CUX1: variants seen among roughly 807,000 people sequenced by gnomAD.
The protein encoded by CUX1 is protein CASP.
CUX1 carries 31 observed loss-of-function variants against 158.8 expected under a neutral mutation model. The ratio of observed to expected loss-of-function variants is 0.20; its 90% CI spans 0.15 to 0.26. The LOEUF (loss-of-function observed/expected upper bound fraction) is 0.26. Ranked by LOEUF, CUX1 falls within the 10% of genes least tolerant of loss-of-function variation. The pLI, the probability that CUX1 is intolerant of heterozygous loss-of-function variation, is 1.00. For synonymous variants in CUX1, 879 were observed against 862.1 expected (o/e 1.02, Z -0.34); for missense variants, 1,589 against 2,014.6 (o/e 0.79, Z 4.04).
At chr7:102,165,798 A>C (rs189403577) in intron 9 of CUX1, among the ~76,000 whole-genome samples, 33 of 152,090 alleles carry the variant, frequency 2.2e-4, no homozygotes, top group Non-Finnish European at 3.8e-4. Context: ...TCCTTCCCCA[A>C]ATCACCCAGT....
At chr7:102,224,041 C>T (rs563512171) in intron 20 of CUX1, among the ~76,000 whole-genome samples, 97 of 152,306 alleles carry the variant, frequency 6.4e-4, no homozygotes, top group African/African-American at 1.3e-3. Context: ...GTCTCCAACG[C>T]GTCTGTTTGC....
At chr7:101,850,521 G>A (rs1307188959) in intron 1 of CUX1, among the ~76,000 whole-genome samples, 1 of 150,224 alleles carries the variant, frequency 6.7e-6, no homozygotes, top group African/African-American at 2.5e-5. Flanking sequence ...ACCAGGTATA[G>A]GAAATGAGAG....
At chr7:102,259,238 T>C (rs1158755972), downstream of CUX1, among the ~76,000 whole-genome samples, 5 of 151,902 alleles carry the variant, frequency 3.3e-5, no homozygotes, top group Admixed American at 6.6e-5. Context: ...GGGCCGGGGG[T>C]GTCTCTAGAG....
At chr7:102,244,161 GCCGT>G (rs1554536036) in intron 23 of CUX1, among the ~76,000 whole-genome samples, 3 of 152,156 alleles carry the variant, frequency 2.0e-5, no homozygotes, top group Non-Finnish European at 2.9e-5. Flanking sequence ...AGACCAACCT[GCCGT>G]TATACCCGAC....
intron 17 of CUX1, among the ~76,000 whole-genome samples, chr7:102,275,618 G>T (rs535224539): frequency 6.6e-6 from 1 of 152,134 alleles, no homozygotes; most frequent in Non-Finnish European, 1.5e-5. Context: ...GAAACAAGTC[G>T]CCAGGCAAGT....
chr7:101,819,615 C>T (rs1014198379), intron 1 of CUX1, among the ~76,000 whole-genome samples: 4 of 152,112 alleles, frequency 2.6e-5, no homozygotes, highest in African/African-American at 9.7e-5. Context: ...AATGTCCCAT[C>T]TAGTACCCTT....
intron 8 of CUX1, among the ~76,000 whole-genome samples, chr7:102,130,630 G>A (rs1338649485): frequency 6.6e-6 from 1 of 152,002 alleles, no homozygotes; most frequent in East Asian, 1.9e-4. Context: ...GCAGTGAGCT[G>A]AAATCACGCC....
At chr7:101,944,692 C>T (rs1040643313) in intron 2 of CUX1, among the ~76,000 whole-genome samples, 1 of 152,210 alleles carries the variant, frequency 6.6e-6, no homozygotes, top group Non-Finnish European at 1.5e-5. Context: ...TCTGCTGTGG[C>T]GTGTATGTTC....
intron 2 of CUX1, among the ~76,000 whole-genome samples, chr7:102,017,165 G>C (rs148647642): frequency 1.3e-4 from 20 of 151,338 alleles, no homozygotes; most frequent in Non-Finnish European, 2.5e-4. Context: ...TTAGCCTGAC[G>C]TGGTAGTGGG....
upstream of CUX1, chr7:101,817,459 G>A (rs1438415781): frequency 9.4e-7 from 1 of 1,059,506 alleles, no homozygotes; most frequent in East Asian, 7.2e-5. This position sits in a 1 kb window ranked among gnomAD's most constrained non-coding sequence, Gnocchi z 4.1. Context: ...CGGAGTCCCC[G>A]GCGCCGCGGG....
chr7:101,902,521 C>T (rs1383344269), intron 1 of CUX1, among the ~76,000 whole-genome samples: 1 of 152,200 alleles, frequency 6.6e-6, no homozygotes, highest in Non-Finnish European at 1.5e-5. Flanking sequence ...CCACATGTGG[C>T]CACTGGCTAC....
chr7:102,210,447 G>A (rs1435702127), intron 20 of CUX1, among the ~76,000 whole-genome samples: 1 of 151,960 alleles, frequency 6.6e-6, no homozygotes, highest in Admixed American at 6.6e-5. Flanking sequence ...TCTGTTGCCA[G>A]GGCTGGTCTC....
At chr7:102,161,615 AT>A (rs1179769165) in intron 9 of CUX1, among the ~76,000 whole-genome samples, 4 of 152,076 alleles carry the variant, frequency 2.6e-5, no homozygotes, top group African/African-American at 9.7e-5. Flanking sequence ...AAATTTATTT[AT>A]TTTTCTTCTT....
chr7:102,078,871 C>T (rs1381983691), intron 4 of CUX1, among the ~76,000 whole-genome samples: 1 of 152,128 alleles, frequency 6.6e-6, no homozygotes, highest in Non-Finnish European at 1.5e-5. Context: ...GGAGAGGTTT[C>T]ATTTTGGATG....
intron 1 of CUX1, among the ~76,000 whole-genome samples, chr7:101,874,520 C>G (rs1373457140): frequency 6.6e-6 from 1 of 152,216 alleles, no homozygotes; most frequent in Non-Finnish European, 1.5e-5. Flanking sequence ...GTGCCAGGCA[C>G]CGTTGGGAAC....
At chr7:102,054,744 G>C (rs951332898) in intron 3 of CUX1, among the ~76,000 whole-genome samples, 2 of 152,134 alleles carry the variant, frequency 1.3e-5, no homozygotes, top group African/African-American at 4.8e-5. Flanking sequence ...AAGACGGGAG[G>C]ATCACTTGAA....
chr7:102,241,480 A>C (rs1563474166), intron 23 of CUX1, among the ~76,000 whole-genome samples: 1 of 152,112 alleles, frequency 6.6e-6, no homozygotes, highest in Non-Finnish European at 1.5e-5. Flanking sequence ...AGCTGTGCAC[A>C]TGACACAGTC....
intron 8 of CUX1, among the ~76,000 whole-genome samples, chr7:102,150,391 A>G (rs1835508049): frequency 6.6e-6 from 1 of 152,202 alleles, no homozygotes; most frequent in African/African-American, 2.4e-5. Context: ...CCTGGTCTCA[A>G]GTGATCCACC....
chr7:101,863,540 G>A (rs1458863906), intron 1 of CUX1, among the ~76,000 whole-genome samples: 6 of 152,052 alleles, frequency 3.9e-5, no homozygotes, highest in African/African-American at 4.8e-5. Flanking sequence ...TAGTAGAGAC[G>A]AGGTTTCGCC....
Sources: allele counts gnomAD v4.1 joint callset (sites outside exome capture counted in the v4.1 genomes callset), GRCh38; gene constraint gnomAD v4.1.1; non-coding constraint Gnocchi (gnomAD v3.1); transcripts MANE v1.5; gene names NCBI Gene and HGNC (gene_info 2026-07-23, HGNC 2026-07-21).